Variants in MYO3B observed in about 807,000 individuals in gnomAD.
MYO3B encodes myosin IIIB.
A neutral mutation model predicts 174.6 loss-of-function variants in MYO3B; 156 were observed. The ratio of observed to expected loss-of-function variants is 0.89; its 90% CI spans 0.78 to 1.02. The LOEUF (loss-of-function observed/expected upper bound fraction) is 1.02, where lower values mean the gene tolerates loss of function less well. Among genes scored for constraint, MYO3B ranks in the 50% least tolerant of loss-of-function variants. MYO3B has a pLI of 0.00. For synonymous variants in MYO3B, 563 were observed against 569.1 expected, an observed-to-expected ratio of 0.99 and a Z score of 0.15; for missense variants, 1,632 against 1,639.4, an observed-to-expected ratio of 1.00 and a Z score of 0.08.
chr2:170,581,994 T>A (rs1247978415), intron 32 of MYO3B, among the ~76,000 whole-genome samples: 1 of 152,244 alleles, frequency 6.6e-6, no homozygotes, highest in Non-Finnish European at 1.5e-5. Context: ...TAATGTGGGA[T>A]ATACACCAAG....
intron 32 of MYO3B, among the ~76,000 whole-genome samples, chr2:170,580,718 A>ATATATG (rs768974458): frequency 4.9e-5 from 7 of 142,702 alleles, no homozygotes; most frequent in African/African-American, 1.6e-4. Flanking sequence ...AACCTTATAT[A>ATATATG]TGTGTGTGTG....
chr2:170,211,943 A>T (rs1461103681), intron 3 of MYO3B, among the ~76,000 whole-genome samples: 1 of 60,370 alleles, frequency 1.7e-5, no homozygotes, highest in African/African-American at 5.4e-5. Context: ...ATGTTTTCTT[A>T]AAAAAAAAAA....
At chr2:170,484,621 C>T (rs1404773154) in intron 25 of MYO3B, among the ~76,000 whole-genome samples, 1 of 152,138 alleles carries the variant, frequency 6.6e-6, no homozygotes, top group East Asian at 1.9e-4. Context: ...AGTAATACTG[C>T]ATTAGAAGGA....
intron 7 of MYO3B, among the ~76,000 whole-genome samples, chr2:170,305,483 G>A (rs925045799): frequency 1.3e-5 from 2 of 151,950 alleles, no homozygotes; most frequent in African/African-American, 4.8e-5. Context: ...CAGTTTTCTT[G>A]GTCCAACCCT....
chr2:170,543,195 T>C (rs911319266), intron 31 of MYO3B, among the ~76,000 whole-genome samples: 2 of 152,210 alleles, frequency 1.3e-5, no homozygotes, highest in Non-Finnish European at 2.9e-5. Flanking sequence ...GGAAATTTGC[T>C]GCTGAGAATA....
chr2:170,649,205 AATAATAT>A (rs1169871032), intron 32 of MYO3B, among the ~76,000 whole-genome samples: 1 of 35,420 alleles, frequency 2.8e-5, no homozygotes, highest in Non-Finnish European at 4.3e-5. Flanking sequence ...TTATATATAA[AATAATAT>A]ATAATATATT....
At chr2:170,397,994 G>T (rs900115799) in intron 16 of MYO3B, among the ~76,000 whole-genome samples, 1 of 152,058 alleles carries the variant, frequency 6.6e-6, no homozygotes, top group Non-Finnish European at 1.5e-5. Context: ...GTCCGAGGCG[G>T]GTGGATCACC....
At chr2:170,561,223 G>A (rs924874051) in intron 32 of MYO3B, among the ~76,000 whole-genome samples, 2 of 152,190 alleles carry the variant, frequency 1.3e-5, no homozygotes, top group East Asian at 3.8e-4. Context: ...TAAAAGAAGA[G>A]TTAGAATGGA....
At chr2:170,618,557 C>G (rs1695615864) in intron 32 of MYO3B, among the ~76,000 whole-genome samples, 1 of 152,172 alleles carries the variant, frequency 6.6e-6, no homozygotes, top group South Asian at 2.1e-4. Flanking sequence ...CAGCAGCCCA[C>G]AATGCAATGG....
At chr2:170,292,114 T>C (rs925100819) in intron 7 of MYO3B, among the ~76,000 whole-genome samples, 6 of 152,170 alleles carry the variant, frequency 3.9e-5, no homozygotes, top group Non-Finnish European at 7.4e-5. Context: ...TGGTTTTCTT[T>C]CCTTTTCACT....
At chr2:170,628,500 G>A (rs1696659305) in intron 32 of MYO3B, among the ~76,000 whole-genome samples, 1 of 152,190 alleles carries the variant, frequency 6.6e-6, no homozygotes, top group Non-Finnish European at 1.5e-5. Context: ...CTTCCTGGAT[G>A]AGGCAATGCC....
chr2:170,185,647 A>G (rs534932903), intron 1 of MYO3B, among the ~76,000 whole-genome samples: 1 of 152,176 alleles, frequency 6.6e-6, no homozygotes, highest in South Asian at 2.1e-4. Flanking sequence ...GGCTCCATAT[A>G]CATTTTATGA....
intron 5 of MYO3B, 118 bp from the exon 6 acceptor site, chr2:170,217,201 G>A (rs1446284048): frequency 1.2e-6 from 1 of 815,840 alleles, no homozygotes; most frequent in Non-Finnish European, 2.2e-6. Flanking sequence ...TTGTGACAGA[G>A]ACCATATGGC....
At position 170,652,106 on chromosome 2, in the gene MYO3B, AG is replaced by A; in HGVS notation, c.3842del. Reference sequence around the variant, plus strand: ...ACTGTGTGTTCTTGGCCCTCTCCACAGGGAACTCTAGAATATCAAGGGAGCA... The same window carrying A: ...ACTGTGTGTTCTTGGCCCTCTCCACAGGAACTCTAGAATATCAAGGGAGCA... On this transcript the variant is annotated splice_acceptor_variant, in intron 33 of 34. Coordinates refer to ENST00000408978, the MANE Select transcript of MYO3B (RefSeq NM_138995.5). LOFTEE classifies it high-confidence loss of function. 6.2e-7 allele frequency: 1 copy of A among 1,613,490 alleles called. No individual in the cohort carries two copies. Among genetic ancestry groups the A allele is most frequent in the Non-Finnish European group, 8.5e-7 (1 of 1,179,862 alleles).
chr2:170,380,468 A>G (rs1325049204), intron 9 of MYO3B, among the ~76,000 whole-genome samples: 1 of 152,180 alleles, frequency 6.6e-6, no homozygotes, highest in Non-Finnish European at 1.5e-5. Context: ...ACTGGCTGTT[A>G]AGGGATTTGC....
chr2:170,520,320 G>A (rs946694260), intron 30 of MYO3B, among the ~76,000 whole-genome samples: 1 of 151,930 alleles, frequency 6.6e-6, no homozygotes, highest in Admixed American at 6.6e-5. Flanking sequence ...AGGCATGGTG[G>A]TATGTGCCTG....
At chr2:170,607,823 T>A (rs565563811) in intron 32 of MYO3B, among the ~76,000 whole-genome samples, 1 of 152,328 alleles carries the variant, frequency 6.6e-6, no homozygotes, top group African/African-American at 2.4e-5. Context: ...CATTTTATAA[T>A]AATGTAGGTT....
chr2:170,224,515 G>T (rs1228235854), intron 6 of MYO3B, among the ~76,000 whole-genome samples: 1 of 152,016 alleles, frequency 6.6e-6, no homozygotes, highest in Non-Finnish European at 1.5e-5. Flanking sequence ...TATAGTGGAA[G>T]TATACTCTGA....
chr2:170,615,025 T>C (rs752281477), intron 32 of MYO3B, among the ~76,000 whole-genome samples: 1 of 152,210 alleles, frequency 6.6e-6, no homozygotes, highest in Non-Finnish European at 1.5e-5. Context: ...TTACATTAAA[T>C]GACCTCCCTG....
Sources: gnomAD v4.1 joint callset for allele counts (sites outside exome capture counted in the v4.1 genomes callset) on GRCh38, gnomAD v4.1.1 for gene constraint, MANE v1.5 for transcripts, NCBI Gene and HGNC (gene_info 2026-07-23, HGNC 2026-07-21) for gene names.